STPG2: variants seen among roughly 807,000 people sequenced by gnomAD.
STPG2 encodes sperm tail PG-rich repeat containing 2, also known as sperm-tail PG-rich repeat-containing protein 2.
A neutral mutation model predicts 54.2 loss-of-function variants in STPG2; 56 were observed. That is an observed-to-expected ratio of 1.03 (90% CI 0.83 to 1.29). The LOEUF is 1.29. Among genes scored for constraint, STPG2 ranks in the 50% most tolerant of loss-of-function variants. The probability of loss-of-function intolerance (pLI) is 0.00; values close to 1 mark genes in which losing one functional copy is unlikely to be tolerated. For missense variants in STPG2, 596 were observed against 544.9 expected (o/e 1.09, Z -0.93); for synonymous variants, 200 against 181.8 (o/e 1.10, Z -0.81).
At chr4:97,984,167 CT>C (rs1245240414) in intron 5 of STPG2, among the ~76,000 whole-genome samples, 1 of 151,860 alleles carries the variant, frequency 6.6e-6, no homozygotes, top group African/African-American at 2.4e-5. Context: ...TTCTTTTTTT[CT>C]TTTTTTCTGA....
chr4:97,675,081 G>A (rs1049803162), intron 10 of STPG2, among the ~76,000 whole-genome samples: 4 of 151,942 alleles, frequency 2.6e-5, no homozygotes, highest in Non-Finnish European at 4.4e-5. Flanking sequence ...TCGACTGACC[G>A]CATCCTCTAC....
chr4:97,685,352 T>C (rs1723156692), intron 10 of STPG2, among the ~76,000 whole-genome samples: 1 of 152,046 alleles, frequency 6.6e-6, no homozygotes, highest in African/African-American at 2.4e-5. Context: ...CTATGGAACA[T>C]CCACACAATG....
intron 9 of STPG2, among the ~76,000 whole-genome samples, chr4:97,815,962 T>C (rs573546703): frequency 5.3e-5 from 8 of 152,288 alleles, no homozygotes; most frequent in African/African-American, 4.8e-5. Flanking sequence ...ACATGTGCCA[T>C]GGTGGTTTGT....
At chr4:97,926,904 T>C (rs1461438521) in intron 8 of STPG2, among the ~76,000 whole-genome samples, 1 of 152,054 alleles carries the variant, frequency 6.6e-6, no homozygotes, top group Non-Finnish European at 1.5e-5. Flanking sequence ...AGTAGGCTTA[T>C]AGCCTACTAT....
At chr4:97,973,784 G>A (rs1183982660) in intron 6 of STPG2, among the ~76,000 whole-genome samples, 1 of 152,164 alleles carries the variant, frequency 6.6e-6, no homozygotes, top group Non-Finnish European at 1.5e-5. Context: ...CCAAGCCTTG[G>A]CAGCTACGTA....
chr4:97,555,242 G>A (rs528885065), downstream of STPG2, among the ~76,000 whole-genome samples: 8 of 152,084 alleles, frequency 5.3e-5, no homozygotes, highest in African/African-American at 1.2e-4. Context: ...TCTTTGAAAC[G>A]TACTCTACAT....
chr4:98,129,430 C>T (rs894591400), intron 2 of STPG2, among the ~76,000 whole-genome samples: 3 of 151,824 alleles, frequency 2.0e-5, no homozygotes, highest in African/African-American at 4.8e-5. Flanking sequence ...TGATGTAATG[C>T]TAAATGGAAA....
chr4:97,599,258 G>T (rs951082125), intron 10 of STPG2, among the ~76,000 whole-genome samples: 1 of 152,168 alleles, frequency 6.6e-6, no homozygotes. Flanking sequence ...ATGCTGGCAA[G>T]GTTGCAGAGA....
chr4:97,740,133 T>C (rs1578523241), intron 9 of STPG2, among the ~76,000 whole-genome samples: 4 of 152,324 alleles, frequency 2.6e-5, no homozygotes, highest in East Asian at 3.9e-4. Context: ...TCTCAATAGA[T>C]GCAGAAAAGG....
At chr4:97,506,357 A>G (rs1479368995) in intron 4 of STPG2, among the ~76,000 whole-genome samples, 1 of 151,996 alleles carries the variant, frequency 6.6e-6, no homozygotes, top group Non-Finnish European at 1.5e-5. Flanking sequence ...TGGGACATGG[A>G]GGTTTAGATT....
rs368497031 is a variant in STPG2 at position 98,099,565 on chromosome 4, T to C, written c.612+6388A>G. ...TAAGGCCTACTATTTGATAGCACAA[T>C]AGGGTGATTAGAGTCAATAATAACT... On this transcript the variant is annotated intron_variant, in intron 5 of 10. Transcript: ENST00000295268. Among the ~76,000 whole-genome samples the C allele has an allele frequency of 5.3e-5, 8 of 152,152 alleles. No individual in the cohort carries two copies. The East Asian group carries it at 1.2e-3, about 22-fold the overall frequency.
chr4:98,104,685 T>C (rs1739139499), intron 5 of STPG2, among the ~76,000 whole-genome samples: 1 of 152,202 alleles, frequency 6.6e-6, no homozygotes, highest in Admixed American at 6.5e-5. Context: ...AAGAGTCACA[T>C]TACATTTAAT....
chr4:97,536,973 A>G (rs932099827), intron 4 of STPG2, among the ~76,000 whole-genome samples: 2 of 152,234 alleles, frequency 1.3e-5, no homozygotes, highest in Non-Finnish European at 2.9e-5. Flanking sequence ...TAGAAGTCAC[A>G]TTAAGAGCTT....
At chr4:97,679,214 A>T (rs1722949629) in intron 10 of STPG2, among the ~76,000 whole-genome samples, 2 of 152,210 alleles carry the variant, frequency 1.3e-5, no homozygotes, top group Admixed American at 6.5e-5. Flanking sequence ...AACTTCCACA[A>T]TGGTTGAACT....
rs978253598 is a variant in STPG2, at chr4:97,967,647, C to CA, written c.933+4632dup. On this transcript the variant is annotated intron_variant, in intron 7 of 10. Coordinates refer to ENST00000295268, the MANE Select transcript of STPG2 (RefSeq NM_174952.3). ...AGCAAATGCAAAAGAACAGAAATCA[C>CA]AAAAAAACTGTCTCTCAGATCACAG... Among the ~76,000 whole-genome samples the CA allele has an allele frequency of 1.1e-4, 16 of 152,062 alleles. 1 individual carries two copies. The highest frequency in any genetic ancestry group is 6.8e-3 in the Middle Eastern group (2 of 294).
intron 9 of STPG2, among the ~76,000 whole-genome samples, chr4:97,818,986 T>A (rs1313447515): frequency 6.8e-6 from 1 of 147,836 alleles, no homozygotes; most frequent in Non-Finnish European, 1.5e-5. Context: ...AATAAATATA[T>A]ATTATATATA....
chr4:97,734,662 T>G (rs954706645), intron 9 of STPG2, among the ~76,000 whole-genome samples: 11 of 152,276 alleles, frequency 7.2e-5, no homozygotes, highest in African/African-American at 2.6e-4. Flanking sequence ...AAGGATCAAA[T>G]GTGGTGCAGG....
At chr4:97,739,511 AT>A (rs557922666) in intron 9 of STPG2, among the ~76,000 whole-genome samples, 39 of 152,356 alleles carry the variant, frequency 2.6e-4, no homozygotes, top group African/African-American at 8.9e-4. Flanking sequence ...AATAGACGCA[AT>A]AAAAAACGAT....
intron 4 of STPG2, among the ~76,000 whole-genome samples, chr4:97,538,123 A>G (rs1731584849): frequency 6.6e-6 from 1 of 152,246 alleles, no homozygotes; most frequent in Non-Finnish European, 1.5e-5. Context: ...TGAAAATTCT[A>G]AAAATCAGAT....
Sources: gnomAD v4.1 joint callset for allele counts (sites outside exome capture counted in the v4.1 genomes callset) on GRCh38, gnomAD v4.1.1 for gene constraint, MANE v1.5 for transcripts, NCBI Gene and HGNC (gene_info 2026-07-23, HGNC 2026-07-21) for gene names.